NPSR1: variants seen among roughly 807,000 people sequenced by gnomAD.
The protein encoded by NPSR1 is neuropeptide S receptor 1.
A neutral mutation model predicts 46.9 loss-of-function variants in NPSR1; 48 were observed. The observed-to-expected ratio is 1.02, with a 90% CI of 0.81 to 1.30. The LOEUF (loss-of-function observed/expected upper bound fraction) is 1.30, where lower values mean the gene tolerates loss of function less well. Among genes scored for constraint, NPSR1 ranks in the 50% most tolerant of loss-of-function variants. The probability of loss-of-function intolerance (pLI) is 0.00; values close to 1 mark genes in which losing one functional copy is unlikely to be tolerated. For missense variants in NPSR1, 450 were observed against 449.5 expected, an observed-to-expected ratio of 1.00 and a Z score of -0.01; for synonymous variants, 176 against 168.1, an observed-to-expected ratio of 1.05 and a Z score of -0.36.
At chr7:34,751,879 G>A in intron 2 of NPSR1, 3 of 1,563,160 alleles carry the variant, frequency 1.9e-6, no homozygotes, top group Admixed American at 3.4e-5. Flanking sequence ...TGGGTCTGGT[G>A]GACAAAGCCT....
chr7:34,845,568 C>T (rs1436776676), intron 7 of NPSR1: 2 of 455,924 alleles, frequency 4.4e-6, no homozygotes, highest in Non-Finnish European at 8.8e-6. Context: ...CCCAACAACG[C>T]CACCTCCCTG....
chr7:34,765,516 A>G (rs981087528), intron 2 of NPSR1, among the ~76,000 whole-genome samples: 1 of 152,228 alleles, frequency 6.6e-6, no homozygotes, highest in Non-Finnish European at 1.5e-5. Context: ...AGCAGTCTGG[A>G]GAGTTCTCAA....
At position 34,674,774 on chromosome 7, in the gene NPSR1, C is replaced by G. The variant is rs551323458; in HGVS notation, c.148-9778C>G. Among the ~76,000 whole-genome samples, 3 of 152,254 alleles carry G rather than the reference C, an allele frequency of 2.0e-5. No individual in the cohort carries two copies. The East Asian group carries it at 5.8e-4, about 29-fold the overall frequency. ...GCATCTTGTGTGACATTTATCACTACTGTTGTGTGGAGGCCACATGTTGCC... is the reference window on the plus strand; with the variant it reads ...GCATCTTGTGTGACATTTATCACTAGTGTTGTGTGGAGGCCACATGTTGCC... On this transcript the variant is annotated intron_variant, in intron 1 of 8. Coordinates refer to ENST00000360581, the MANE Select transcript of NPSR1 (RefSeq NM_207172.2).
At chr7:34,761,669 A>G (rs1786179348) in intron 2 of NPSR1, among the ~76,000 whole-genome samples, 2 of 149,806 alleles carry the variant, frequency 1.3e-5, no homozygotes. Context: ...GTGAAAATGG[A>G]ACTCTCCTCT....
At chr7:34,750,895 T>A in intron 2 of NPSR1, 1 of 717,694 alleles carries the variant, frequency 1.4e-6, no homozygotes, top group Non-Finnish European at 2.6e-6. Flanking sequence ...TTCATAATGG[T>A]GTGAAAAGGC....
chr7:34,783,754 T>A (rs1243067413), intron 3 of NPSR1, among the ~76,000 whole-genome samples: 1 of 151,422 alleles, frequency 6.6e-6, no homozygotes, highest in African/African-American at 2.4e-5. Context: ...AAAATCCTGA[T>A]AACAGCAAGA....
intron 2 of NPSR1, among the ~76,000 whole-genome samples, chr7:34,689,730 C>T (rs576263229): frequency 1.3e-5 from 2 of 150,660 alleles, no homozygotes; most frequent in Non-Finnish European, 3.0e-5. Flanking sequence ...ATCACTTGAG[C>T]TTAGGAATTC....
chr7:34,737,061 T>C (rs1456031112), intron 2 of NPSR1, among the ~76,000 whole-genome samples: 2 of 151,964 alleles, frequency 1.3e-5, no homozygotes, highest in African/African-American at 4.8e-5. Context: ...TGACTTTGTT[T>C]CTACTCCACT....
At chr7:34,664,032 A>G (rs1164560163) in intron 1 of NPSR1, among the ~76,000 whole-genome samples, 1 of 152,198 alleles carries the variant, frequency 6.6e-6, no homozygotes, top group Non-Finnish European at 1.5e-5. Context: ...TTTCCTGTTG[A>G]TGAAGTAAGA....
chr7:34,697,156 C>T (rs1793573168), intron 2 of NPSR1, among the ~76,000 whole-genome samples: 2 of 151,704 alleles, frequency 1.3e-5, no homozygotes, highest in South Asian at 4.2e-4. Flanking sequence ...ATACTATTCT[C>T]TCTACTTTTA....
At chr7:34,671,982 A>G (rs1256983099) in intron 1 of NPSR1, among the ~76,000 whole-genome samples, 1 of 152,196 alleles carries the variant, frequency 6.6e-6, no homozygotes, top group Non-Finnish European at 1.5e-5. Context: ...TTATTATTTT[A>G]ATTACGTGGA....
chr7:34,722,410 G>A (rs994702754), intron 2 of NPSR1, among the ~76,000 whole-genome samples: 3 of 152,128 alleles, frequency 2.0e-5, no homozygotes, highest in Admixed American at 6.5e-5. Context: ...AGAAAATAAG[G>A]TCTAGAAATC....
intron 8 of NPSR1, among the ~76,000 whole-genome samples, chr7:34,857,025 G>A (rs1325097576): frequency 1.3e-5 from 2 of 151,562 alleles, no homozygotes; most frequent in East Asian, 1.9e-4. Context: ...TCCTGCATTC[G>A]TTATTTACAA....
At chr7:34,685,362 G>C (rs913156591) in intron 2 of NPSR1, among the ~76,000 whole-genome samples, 1 of 152,150 alleles carries the variant, frequency 6.6e-6, no homozygotes, top group African/African-American at 2.4e-5. Context: ...CACAACCAGG[G>C]AAAGAGTCCT....
In NPSR1 at chr7:34,827,523, T is replaced by A; in HGVS notation, c.601T>A (p.Trp201Arg). Residue 201 changes from tryptophan to arginine, a missense_variant, in exon 5 of 9, where the codon TGG becomes AGG. Transcript: ENST00000360581. ...CGGTGAAGTGCAGTGCTGGGCCCTG[T>A]GGCCTGACGACTCCTACTGGACCCC... ...SNGEVQCWAL[W>R]PDDSYWTPYM... 6.2e-7 allele frequency: 1 copy of A among 1,612,472 alleles called. No homozygotes were observed. The highest frequency in any genetic ancestry group is 1.3e-5 in the African/African-American group (1 of 74,756).
chr7:34,661,299 G>T (rs187604319), intron 1 of NPSR1, among the ~76,000 whole-genome samples: 1 of 152,032 alleles, frequency 6.6e-6, no homozygotes, highest in Non-Finnish European at 1.5e-5. Context: ...GACCAAAGTC[G>T]GTTCTAGATT....
chr7:34,739,670 A>G (rs747480280), intron 2 of NPSR1, among the ~76,000 whole-genome samples: 2 of 152,016 alleles, frequency 1.3e-5, no homozygotes, highest in African/African-American at 4.8e-5. Context: ...AGTGATTGTT[A>G]TCTCTCTTTT....
chr7:34,766,140 T>C (rs559154718), intron 2 of NPSR1, among the ~76,000 whole-genome samples: 2 of 152,258 alleles, frequency 1.3e-5, no homozygotes, highest in South Asian at 4.1e-4. Context: ...AATAAAGCCA[T>C]GATGAAATAT....
chr7:34,751,490 C>A, intron 2 of NPSR1: 1 of 1,321,732 alleles, frequency 7.6e-7, no homozygotes, highest in Middle Eastern at 1.8e-4. Flanking sequence ...GCCTCCGTGT[C>A]ATCTGCTGCC....
Sources: allele counts gnomAD v4.1 joint callset (sites outside exome capture counted in the v4.1 genomes callset), GRCh38; gene constraint gnomAD v4.1.1; transcripts MANE v1.5; gene names NCBI Gene and HGNC (gene_info 2026-07-23, HGNC 2026-07-21).